The following CACNB2 variants were observed in gnomAD, a reference collection of about 807,000 sequenced individuals.
CACNB2 encodes calcium voltage-gated channel auxiliary subunit beta 2, also known as voltage-dependent L-type calcium channel subunit beta-2.
In CACNB2, 42 loss-of-function variants were observed where a neutral mutation model predicts 73.3. The ratio of observed to expected loss-of-function variants is 0.57; its 90% CI spans 0.45 to 0.74. CACNB2 has a LOEUF of 0.74. Among genes scored for constraint, CACNB2 ranks in the 30% least tolerant of loss-of-function variants. The probability of loss-of-function intolerance (pLI) is 0.00; values close to 1 mark genes in which losing one functional copy is unlikely to be tolerated. For missense variants in CACNB2, 940 were observed against 853.0 expected (o/e 1.10, Z -1.27); for synonymous variants, 348 against 310.3 (o/e 1.12, Z -1.28).
intron 3 of CACNB2, among the ~76,000 whole-genome samples, chr10:18,406,542 C>T (rs1379568142): frequency 3.9e-5 from 6 of 152,124 alleles, no homozygotes; most frequent in South Asian, 4.1e-4. Flanking sequence ...ATCGAGGTTG[C>T]GCACTCCTTA....
intron 3 of CACNB2, among the ~76,000 whole-genome samples, chr10:18,449,215 T>G (rs1427795314): frequency 6.6e-6 from 1 of 151,980 alleles, no homozygotes; most frequent in Non-Finnish European, 1.5e-5. Context: ...AAACCCCGTC[T>G]CTACTAAAAA....
intron 2 of CACNB2, among the ~76,000 whole-genome samples, chr10:18,371,665 A>C (rs1001689610): frequency 1.3e-5 from 2 of 152,266 alleles, no homozygotes; most frequent in Non-Finnish European, 1.5e-5. Context: ...ATAAACATAC[A>C]TGTGCATGTG....
chr10:18,510,840 A>G (rs1371794306), intron 6 of CACNB2, among the ~76,000 whole-genome samples: 1 of 152,236 alleles, frequency 6.6e-6, no homozygotes, highest in Non-Finnish European at 1.5e-5. Context: ...ACCACCAGCA[A>G]GGAAACTCTT....
intron 2 of CACNB2, among the ~76,000 whole-genome samples, chr10:18,330,041 A>T (rs1191447387): frequency 6.6e-6 from 1 of 152,108 alleles, no homozygotes; most frequent in East Asian, 1.9e-4. Context: ...AGGTTTTGCC[A>T]TGTTGGCCAG....
At chr10:18,339,128 G>A (rs1425745926) in intron 2 of CACNB2, among the ~76,000 whole-genome samples, 1 of 152,012 alleles carries the variant, frequency 6.6e-6, no homozygotes, top group Non-Finnish European at 1.5e-5. Flanking sequence ...GGGTATCCCT[G>A]GGTATGTACT....
At chr10:18,480,678 T>C (rs1245486624) in intron 3 of CACNB2, among the ~76,000 whole-genome samples, 2 of 152,204 alleles carry the variant, frequency 1.3e-5, no homozygotes, top group Non-Finnish European at 2.9e-5. Context: ...TCCAGAACTT[T>C]TATGTTTCCA....
Position 18,264,282 on chromosome 10 carries a change from G to A in CACNB2, c.213+113307G>A, listed in dbSNP as rs190784382. The stretch of plus-strand genomic sequence containing the variant: ...ATAATAATCTCATCATGGAAAATTG[G>A]GTATCCATCCCATCAAGCATTTATC... On this transcript the variant is annotated intron_variant, in intron 2 of 13. Transcript: ENST00000324631. 4.6e-3 allele frequency among the ~76,000 whole-genome samples: 694 copies of A among 152,180 alleles called. 1 individual carries two copies. The highest frequency in any genetic ancestry group is 0.01 in the Middle Eastern group (3 of 294).
rs772211442 is a variant in CACNB2, at chr10:18,500,961, T to A, written c.593+13T>A. 3.7e-6 allele frequency: 6 copies of A among 1,613,114 alleles called. No individual in the cohort carries two copies. The highest frequency in any genetic ancestry group is 5.1e-6 in the Non-Finnish European group (6 of 1,179,334). ...AATTCTACTCCAGGTATGAGACAGA[T>A]GTCAAGTGTTTGCATAAAACTTAGA... On this transcript the variant is annotated intron_variant, in intron 5 of 13. Transcript: ENST00000324631.
intron 2 of CACNB2, among the ~76,000 whole-genome samples, chr10:18,370,714 T>G (rs1297209600): frequency 6.6e-6 from 1 of 152,254 alleles, no homozygotes; most frequent in African/African-American, 2.4e-5. Context: ...AAAATTTCCA[T>G]CATTCTTTAG....
chr10:18,190,613 A>G (rs2034353410), intron 2 of CACNB2, among the ~76,000 whole-genome samples: 1 of 152,230 alleles, frequency 6.6e-6, no homozygotes, highest in African/African-American at 2.4e-5. Flanking sequence ...TGCCCAATCC[A>G]CAACCTCCCA....
chr10:18,472,305 C>T lies in CACNB2; in HGVS notation c.334-26050C>T, dbSNP rs572549120. ...AGGCTGGAATGCAGTGCTGGGATCT[C>T]GGCTCACTGCAACCTCTACCTCCTG... On this transcript the variant is annotated intron_variant, in intron 3 of 13. Transcript: ENST00000324631. Among the ~76,000 whole-genome samples, 14 of 147,324 alleles carry T rather than the reference C, an allele frequency of 9.5e-5. 1 individual carries two copies. The South Asian group carries it at 1.3e-3, about 13-fold the overall frequency.
chr10:18,180,987 C>G lies in CACNB2; in HGVS notation c.213+30012C>G, dbSNP rs1394930793. On this transcript the variant is annotated intron_variant, in intron 2 of 13. Transcript: ENST00000324631. ...TCTCAAAAAACAAAACAAAACAAAA[C>G]AAAAAAAGAAATATAAGAAAATGGA... 2.3e-5 allele frequency among the ~76,000 whole-genome samples: 3 copies of G among 131,808 alleles called. No homozygotes were observed. The East Asian group carries it at 6.5e-4, about 29-fold the overall frequency. The allele number at this position is 131,808 out of a possible 152,430, so 86.5% of individuals were successfully genotyped here. A position where few individuals can be genotyped will look rare whatever the true frequency, so the allele number is the denominator to read the frequency against.
chr10:18,255,948 A>G (rs1469618917), intron 2 of CACNB2, among the ~76,000 whole-genome samples: 1 of 152,174 alleles, frequency 6.6e-6, no homozygotes, highest in Non-Finnish European at 1.5e-5. Flanking sequence ...CTGATGTTTA[A>G]CTCTGACTGT....
intron 3 of CACNB2, among the ~76,000 whole-genome samples, chr10:18,487,915 A>G (rs2049154701): frequency 6.6e-6 from 1 of 151,942 alleles, no homozygotes; most frequent in African/African-American, 2.4e-5. Context: ...GACCCTGCAC[A>G]GGAAACACTG....
At chr10:18,142,208 C>T (rs1200047230) in intron 1 of CACNB2, among the ~76,000 whole-genome samples, 2 of 152,210 alleles carry the variant, frequency 1.3e-5, no homozygotes, top group Admixed American at 6.5e-5. Context: ...TAACTTAAAA[C>T]ACATAATTCA....
intron 2 of CACNB2, among the ~76,000 whole-genome samples, chr10:18,158,803 T>C (rs1302011593): frequency 6.6e-6 from 1 of 152,168 alleles, no homozygotes; most frequent in Non-Finnish European, 1.5e-5. Context: ...CTGCTTGGCA[T>C]GGATGGGTAG....
intron 1 of CACNB2, chr10:18,141,220 G>C: frequency 6.8e-7 from 1 of 1,480,694 alleles, no homozygotes; most frequent in Non-Finnish European, 9.2e-7. Context: ...AAGATCGTGA[G>C]TCCGGGTGGG....
At chr10:18,506,289 C>A (rs184878863) in intron 5 of CACNB2, among the ~76,000 whole-genome samples, 182 bp from the exon 6 acceptor site, 254 of 152,220 alleles carry the variant, frequency 1.7e-3, no homozygotes, top group African/African-American at 5.9e-3. Context: ...AAATCAGAGA[C>A]CATCATGTGG....
In CACNB2 at chr10:18,244,683, C is replaced by A. The variant is rs535436741; in HGVS notation, c.213+93708C>A. 9.5e-4 allele frequency among the ~76,000 whole-genome samples: 145 copies of A among 152,332 alleles called. 1 individual carries two copies. The highest frequency in any genetic ancestry group is 3.4e-3 in the Middle Eastern group (1 of 294). On this transcript the variant is annotated intron_variant, in intron 2 of 13. Coordinates refer to ENST00000324631, the MANE Select transcript of CACNB2 (RefSeq NM_201596.3). ...TCCTTAGAGAAGGATGGCTCCCTAC[C>A]AAGCACACACAGATGTGGGGCACTA...
Sources: gnomAD v4.1 joint callset for allele counts (sites outside exome capture counted in the v4.1 genomes callset) on GRCh38, gnomAD v4.1.1 for gene constraint, MANE v1.5 for transcripts, NCBI Gene and HGNC (gene_info 2026-07-23, HGNC 2026-07-21) for gene names.